SNTG1: variants seen among roughly 807,000 people sequenced by gnomAD.
The protein encoded by SNTG1 is gamma-1-syntrophin.
SNTG1 carries 39 observed loss-of-function variants against 74.7 expected under a neutral mutation model. That is an observed-to-expected ratio of 0.52 (90% CI 0.40 to 0.68). The LOEUF (loss-of-function observed/expected upper bound fraction) is 0.68, where lower values mean the gene tolerates loss of function less well. Ranked by LOEUF, SNTG1 falls within the 30% of genes least tolerant of loss-of-function variation. The pLI is 0.00. For missense variants in SNTG1, 685 were observed against 609.5 expected, an observed-to-expected ratio of 1.12 and a Z score of -1.30; for synonymous variants, 254 against 217.1, an observed-to-expected ratio of 1.17 and a Z score of -1.49.
At position 50,124,619 on chromosome 8, in the gene SNTG1, A is replaced by G. The variant is rs2081087496; in HGVS notation, c.-102-47942A>G. On this transcript the variant is annotated intron_variant, in intron 1 of 18. Transcript: ENST00000642720. ...TGATTGAAATGGACTTTGAAGCTTT[A>G]CTTTTAATCCTCTGCTTATAAATTA... Among the ~76,000 whole-genome samples the G allele has an allele frequency of 1.4e-5, 2 of 142,368 alleles. 1 individual carries two copies. Among genetic ancestry groups the G allele is most frequent in the Non-Finnish European group, 3.1e-5 (2 of 63,870 alleles). 93.4% of individuals were successfully genotyped at this position (142,368 alleles called of 152,430 possible). A position where few individuals can be genotyped will look rare whatever the true frequency, so the allele number is the denominator to read the frequency against.
At chr8:50,743,876 C>T (rs1413599663) in intron 17 of SNTG1, among the ~76,000 whole-genome samples, 1 of 151,918 alleles carries the variant, frequency 6.6e-6, no homozygotes, top group Non-Finnish European at 1.5e-5. Flanking sequence ...GTGCTGGCAT[C>T]TGATGGCTTC....
chr8:50,217,394 A>C (rs1005591512), intron 2 of SNTG1, among the ~76,000 whole-genome samples: 7 of 152,098 alleles, frequency 4.6e-5, no homozygotes, highest in Non-Finnish European at 1.0e-4. Context: ...ATATGTCAGA[A>C]TCAATCTTAA....
At chr8:50,665,334 A>C (rs1228413718) in intron 15 of SNTG1, among the ~76,000 whole-genome samples, 1 of 152,106 alleles carries the variant, frequency 6.6e-6, no homozygotes, top group Non-Finnish European at 1.5e-5. Flanking sequence ...GAAAGAAAGA[A>C]GCCAAGAATA....
intron 2 of SNTG1, among the ~76,000 whole-genome samples, chr8:50,346,877 G>A (rs943290609): frequency 6.6e-6 from 1 of 152,240 alleles, no homozygotes; most frequent in Non-Finnish European, 1.5e-5. Flanking sequence ...GCCGAGAGAG[G>A]TATGGAAGCT....
intron 2 of SNTG1, among the ~76,000 whole-genome samples, chr8:50,248,221 G>A (rs187311229): frequency 3.2e-4 from 48 of 152,248 alleles, no homozygotes; most frequent in African/African-American, 1.1e-3. Flanking sequence ...GCATAATGGT[G>A]GGGGAGGGAA....
At chr8:50,771,244 G>A (rs1409686573) in intron 18 of SNTG1, among the ~76,000 whole-genome samples, 1 of 152,006 alleles carries the variant, frequency 6.6e-6, no homozygotes, top group Non-Finnish European at 1.5e-5. Flanking sequence ...GGAAAGTTTG[G>A]AACTTCTTAG....
intron 1 of SNTG1, among the ~76,000 whole-genome samples, chr8:50,038,525 T>C (rs1017760206): frequency 6.6e-6 from 1 of 152,182 alleles, no homozygotes; most frequent in Non-Finnish European, 1.5e-5. Context: ...TTGCATTCCT[T>C]TTATATTACT....
intron 3 of SNTG1, among the ~76,000 whole-genome samples, chr8:50,400,115 A>C (rs1161038092): frequency 3.9e-5 from 6 of 152,224 alleles, no homozygotes; most frequent in African/African-American, 1.4e-4. Context: ...TCCCATCAAT[A>C]TTACAGCGGA....
intron 2 of SNTG1, among the ~76,000 whole-genome samples, chr8:50,284,035 C>T (rs1408842307): frequency 2.0e-5 from 3 of 152,030 alleles, no homozygotes; most frequent in African/African-American, 7.2e-5. Flanking sequence ...GTTCTTGTCC[C>T]AGTCCACGAT....
intron 15 of SNTG1, among the ~76,000 whole-genome samples, chr8:50,673,522 A>G (rs557550682): frequency 1.3e-5 from 2 of 152,114 alleles, no homozygotes; most frequent in East Asian, 3.9e-4. Flanking sequence ...TTGCAAATGG[A>G]TTTTGTATGT....
intron 1 of SNTG1, among the ~76,000 whole-genome samples, chr8:50,058,447 G>T (rs1392803625): frequency 3.9e-5 from 6 of 152,074 alleles, no homozygotes; most frequent in African/African-American, 1.4e-4. Context: ...AACTTAGAAA[G>T]GCCAAGTGAT....
At chr8:50,176,983 T>C (rs1228136701) in intron 2 of SNTG1, among the ~76,000 whole-genome samples, 1 of 152,158 alleles carries the variant, frequency 6.6e-6, no homozygotes, top group African/African-American at 2.4e-5. Flanking sequence ...AAGGTGGGAC[T>C]GTGCCGTGCA....
At chr8:50,523,818 G>C (rs77264041) in intron 9 of SNTG1, among the ~76,000 whole-genome samples, 5,708 of 152,220 alleles carry the variant, frequency 0.037, 372 homozygotes, top group African/African-American at 0.13. Context: ...TGGATGCATG[G>C]TTGACATAAA....
At chr8:50,327,226 A>T (rs1263000127) in intron 2 of SNTG1, among the ~76,000 whole-genome samples, 4 of 152,112 alleles carry the variant, frequency 2.6e-5, no homozygotes, top group African/African-American at 9.7e-5. Context: ...TACTGCCTTT[A>T]TGTTTCCTGG....
intron 2 of SNTG1, among the ~76,000 whole-genome samples, chr8:50,223,155 AG>A (rs1447459978): frequency 1.2e-4 from 18 of 152,094 alleles, no homozygotes; most frequent in Admixed American, 1.1e-3. Flanking sequence ...TATCAAGGGG[AG>A]GGTGATGAGG....
At chr8:50,387,460 C>T (rs755762393) in intron 2 of SNTG1, among the ~76,000 whole-genome samples, 9 of 152,194 alleles carry the variant, frequency 5.9e-5, no homozygotes, top group East Asian at 1.9e-4. Flanking sequence ...TGTACCAAGG[C>T]GATCCTGGCA....
intron 17 of SNTG1, among the ~76,000 whole-genome samples, chr8:50,735,000 T>G (rs374048612): frequency 1.3e-5 from 2 of 148,280 alleles, no homozygotes; most frequent in South Asian, 4.2e-4. Flanking sequence ...TCCATATATA[T>G]ATATCTCAAC....
chr8:50,086,449 G>A (rs1383706084), intron 1 of SNTG1, among the ~76,000 whole-genome samples: 1 of 152,182 alleles, frequency 6.6e-6, no homozygotes, highest in Admixed American at 6.6e-5. Context: ...TAGAAAAAGG[G>A]TCAATATGAT....
In SNTG1 at chr8:49,912,131, T is replaced by G. The variant is rs1456801265; in HGVS notation, c.-203T>G. On this transcript the variant is annotated 5_prime_UTR_variant, in exon 1 of 19. It adds an upstream start codon to the 5' untranslated region. Coordinates refer to ENST00000642720, the MANE Select transcript of SNTG1 (RefSeq NM_018967.5). ...ATAAACAGAATGGTCTTGAGTGGAT[T>G]GCAACTGTTTTGGAAATAGCTTTGT... The G allele has an allele frequency of 6.6e-6, 1 of 152,216 alleles. No homozygotes were observed. The highest frequency in any genetic ancestry group is 1.5e-5 in the Non-Finnish European group (1 of 68,060). 9.4% of individuals were successfully genotyped at this position (152,216 alleles called of 1,614,324 possible).
Sources: allele counts gnomAD v4.1 joint callset (sites outside exome capture counted in the v4.1 genomes callset), GRCh38; gene constraint gnomAD v4.1.1; transcripts MANE v1.5; gene names NCBI Gene and HGNC (gene_info 2026-07-23, HGNC 2026-07-21).